The following TPST2 variants were observed in gnomAD, a reference collection of about 807,000 sequenced individuals.
The protein encoded by TPST2 is tyrosylprotein sulfotransferase 2.
TPST2 carries 16 observed loss-of-function variants against 27.8 expected under a neutral mutation model. That is an observed-to-expected ratio of 0.58 (90% CI 0.39 to 0.88). The LOEUF is 0.88. Among genes scored for constraint, TPST2 ranks in the 40% least tolerant of loss-of-function variants. The probability of loss-of-function intolerance (pLI) is 0.00; values close to 1 mark genes in which losing one functional copy is unlikely to be tolerated. For missense variants in TPST2, 464 were observed against 543.1 expected (o/e 0.85, Z 1.45); for synonymous variants, 229 against 231.7 (o/e 0.99, Z 0.10).
At chr22:26,589,730 TCCCC>T (rs1285789119) in intron 1 of TPST2, among the ~76,000 whole-genome samples, 1 of 151,620 alleles carries the variant, frequency 6.6e-6, no homozygotes, top group South Asian at 2.1e-4. Flanking sequence ...TCCCCCCCAG[TCCCC>T]CCGCCAACAG....
chr22:26,588,510 A>G (rs1402924577), intron 1 of TPST2, among the ~76,000 whole-genome samples: 2 of 152,216 alleles, frequency 1.3e-5, no homozygotes, highest in Non-Finnish European at 2.9e-5. Flanking sequence ...GGAAACATAT[A>G]CTTTAAAAGG....
intron 1 of TPST2, among the ~76,000 whole-genome samples, chr22:26,567,819 A>C (rs1018996024): frequency 3.3e-5 from 5 of 152,252 alleles, no homozygotes; most frequent in African/African-American, 1.2e-4. Context: ...AAGGTGCTCA[A>C]ACTCATATCC....
chr22:26,540,659 C>T (rs1414403757), intron 3 of TPST2, 130 bp downstream of exon 3: 6 of 763,124 alleles, frequency 7.9e-6, no homozygotes, highest in East Asian at 2.9e-5. Flanking sequence ...GATAATGAAA[C>T]GGAGGCTCAG....
intron 1 of TPST2, among the ~76,000 whole-genome samples, chr22:26,578,481 C>T (rs758414573): frequency 6.6e-6 from 1 of 152,164 alleles, no homozygotes; most frequent in African/African-American, 2.4e-5. Flanking sequence ...CAGCAACCTC[C>T]GACCCTGCAA....
intron 1 of TPST2, among the ~76,000 whole-genome samples, chr22:26,571,509 C>T (rs1927624732): frequency 6.6e-6 from 1 of 152,134 alleles, no homozygotes; most frequent in East Asian, 1.9e-4. Flanking sequence ...TGTCTGGGAG[C>T]CTTGAATGCT....
Position 26,522,554 on chromosome 22 carries a change from G to A in TPST2, c.*3721C>T, listed in dbSNP as rs2147163089. On this transcript the variant is annotated 3_prime_UTR_variant, in exon 7 of 7. Transcript: ENST00000338754. ...TGGAATTAATCAAAAAAGTTAGTAT[G>A]TATGCCTTTCACCCCAGCAATTCTA... The A allele has an allele frequency of 6.6e-6, 1 of 152,262 alleles. No individual in the cohort carries two copies. Among genetic ancestry groups the A allele is most frequent in the South Asian group, 2.1e-4 (1 of 4,830 alleles). 9.4% of individuals were successfully genotyped at this position (152,262 alleles called of 1,614,324 possible).
At chr22:26,565,456 G>C (rs1927336238) in intron 1 of TPST2, 1 of 152,786 alleles carries the variant, frequency 6.5e-6, no homozygotes, top group African/African-American at 2.4e-5. Flanking sequence ...CCTGTGGACT[G>C]GCAGCGGGCA....
At position 26,553,990 on chromosome 22, in the gene TPST2, G is replaced by C. The variant is rs186190190; in HGVS notation, c.-160-9315C>G. ...CTGAATCCCCGCATGCAGAACCCAA[G>C]AAGACGGACAGCCAACAATATATTT... On this transcript the variant is annotated intron_variant, in intron 1 of 6. Transcript: ENST00000338754. Among the ~76,000 whole-genome samples the C allele has an allele frequency of 2.2e-4, 33 of 152,226 alleles. 1 individual carries two copies. In the East Asian group the frequency reaches 6.4e-3, roughly 29 times the overall value.
chr22:26,558,333 G>A (rs985665612), intron 1 of TPST2, among the ~76,000 whole-genome samples: 4 of 152,012 alleles, frequency 2.6e-5, no homozygotes, highest in Non-Finnish European at 4.4e-5. Flanking sequence ...TAAAGACAGG[G>A]TTTCATCATG....
chr22:26,589,204 G>C (rs1316749588), intron 1 of TPST2, among the ~76,000 whole-genome samples: 1 of 152,170 alleles, frequency 6.6e-6, no homozygotes, highest in African/African-American at 2.4e-5. Flanking sequence ...TCTGTAAAAG[G>C]GGAAGGGGGC....
chr22:26,579,885 G>C (rs926689160), intron 1 of TPST2, among the ~76,000 whole-genome samples: 4 of 145,866 alleles, frequency 2.7e-5, no homozygotes, highest in Non-Finnish European at 6.0e-5. Context: ...AAGAGTGACA[G>C]AGACAGGGAA....
At chr22:26,579,800 C>T (rs1470641894) in intron 1 of TPST2, among the ~76,000 whole-genome samples, 1 of 150,374 alleles carries the variant, frequency 6.7e-6, no homozygotes, top group Non-Finnish European at 1.5e-5. Context: ...GAGGCAGAGA[C>T]AGAGGGAGAT....
chr22:26,552,570 A>G (rs116684311), intron 1 of TPST2, among the ~76,000 whole-genome samples: 353 of 152,248 alleles, frequency 2.3e-3, no homozygotes, highest in African/African-American at 8.4e-3. Context: ...GCTTCTGTGA[A>G]GTCATAAAAC....
In TPST2 at chr22:26,540,923, C is replaced by G. The variant is rs183262802; in HGVS notation, c.708G>C (p.Val236=). Reference sequence around the variant, plus strand: ...GGTGCAGCACCAGCTGCTCGTAGTACACAGGCAGGCACTTCTCCTTGCCTA... The same window carrying G: ...GGTGCAGCACCAGCTGCTCGTAGTAGACAGGCAGGCACTTCTCCTTGCCTA... The part of the protein sequence containing the change: ...MEVGKEKCLP[V]YYEQLVLHPR... Residue 236 remains valine, a synonymous_variant, in exon 3 of 7, where the codon GTG becomes GTC. Transcript: ENST00000338754. 23 of 1,614,124 alleles carry G rather than the reference C, an allele frequency of 1.4e-5. No individual in the cohort carries two copies. The highest frequency in any genetic ancestry group is 1.9e-5 in the Non-Finnish European group (23 of 1,180,054).
intron 1 of TPST2, among the ~76,000 whole-genome samples, chr22:26,574,701 G>T (rs1927763397): frequency 6.6e-6 from 1 of 152,092 alleles, no homozygotes; most frequent in South Asian, 2.1e-4. Flanking sequence ...CGAGGAAAAG[G>T]CGACAGTGAG....
chr22:26,559,611 G>T (rs372371305), intron 1 of TPST2, among the ~76,000 whole-genome samples: 1 of 152,076 alleles, frequency 6.6e-6, no homozygotes, highest in South Asian at 2.1e-4. Context: ...CTATGAGTTC[G>T]CCTATTCTGA....
At position 26,547,039 on chromosome 22, in the gene TPST2, G is replaced by A. The variant is rs146157481; in HGVS notation, c.-160-2364C>T. 5.1e-3 allele frequency among the ~76,000 whole-genome samples: 772 copies of A among 152,316 alleles called. 1 individual carries two copies. The highest frequency in any genetic ancestry group is 0.01 in the Middle Eastern group (3 of 294). On this transcript the variant is annotated intron_variant, in intron 1 of 6. Transcript: ENST00000338754. ...GCAGAGTGTTCTGCTGGGCAGTGCTGATTAGAGGGCAAATGAGAGGGAGAG... is the reference window on the plus strand; with the variant it reads ...GCAGAGTGTTCTGCTGGGCAGTGCTAATTAGAGGGCAAATGAGAGGGAGAG...
chr22:26,568,903 T>A (rs1186834822), intron 1 of TPST2, among the ~76,000 whole-genome samples: 3 of 139,120 alleles, frequency 2.2e-5, no homozygotes, highest in Non-Finnish European at 3.0e-5. Context: ...TCGCTCTGTC[T>A]CCCAGGCTGG....
In TPST2 at chr22:26,547,298, C is replaced by A. The variant is rs140114628; in HGVS notation, c.-160-2623G>T. Among the ~76,000 whole-genome samples the A allele has an allele frequency of 1.2e-3, 179 of 152,212 alleles. 1 individual carries two copies. Among genetic ancestry groups the A allele is most frequent in the African/African-American group, 4.1e-3 (169 of 41,516 alleles). Reference sequence around the variant, plus strand: ...ATTTTTGTGTAGAGATGGAGTCCCGCTATGTTGCCCAGGCTGGTCTCAAAC... The same window carrying A: ...ATTTTTGTGTAGAGATGGAGTCCCGATATGTTGCCCAGGCTGGTCTCAAAC... On this transcript the variant is annotated intron_variant, in intron 1 of 6. Transcript: ENST00000338754.
Sources: allele counts gnomAD v4.1 joint callset (sites outside exome capture counted in the v4.1 genomes callset), GRCh38; gene constraint gnomAD v4.1.1; transcripts MANE v1.5; gene names NCBI Gene and HGNC (gene_info 2026-07-23, HGNC 2026-07-21).